ANKRD28: variants seen among roughly 807,000 people sequenced by gnomAD.
ANKRD28 encodes ankyrin repeat domain 28.
A neutral mutation model predicts 126.5 loss-of-function variants in ANKRD28; 44 were observed. The observed-to-expected ratio is 0.35, with a 90% CI of 0.27 to 0.45. ANKRD28 has a LOEUF of 0.45. Ranked by LOEUF, ANKRD28 falls within the 20% of genes least tolerant of loss-of-function variation. ANKRD28 has a pLI of 1.00. For synonymous variants in ANKRD28, 442 were observed against 468.5 expected, an observed-to-expected ratio of 0.94 and a Z score of 0.73; for missense variants, 1,110 against 1,316.6, an observed-to-expected ratio of 0.84 and a Z score of 2.43.
chr3:15,695,164 G>A lies in ANKRD28; in HGVS notation c.1686+24C>T, dbSNP rs116037475. On this transcript the variant is annotated intron_variant, in intron 16 of 27. Transcript: ENST00000683139. The stretch of plus-strand genomic sequence containing the variant: ...AGGGAACTGACCAATACTAATTGGT[G>A]GGAGGGAATTGACTAATACTTACAA... The A allele has an allele frequency of 4.4e-4, 686 of 1,576,596 alleles. 5 individuals are homozygous for A. In the African/African-American group the frequency reaches 7.8e-3, roughly 18 times the overall value.
chr3:15,799,937 G>T (rs2060427911), upstream of ANKRD28, among the ~76,000 whole-genome samples: 2 of 152,090 alleles, frequency 1.3e-5, no homozygotes, highest in African/African-American at 4.8e-5. Flanking sequence ...CAAGAATAGT[G>T]GGGGTGTGTT....
At chr3:15,724,262 C>T in intron 7 of ANKRD28, 120 bp downstream of exon 7, 1 of 855,854 alleles carries the variant, frequency 1.2e-6, no homozygotes, top group Non-Finnish European at 1.7e-6. Context: ...TATAAATATC[C>T]AATTAAAACA....
intron 2 of ANKRD28, among the ~76,000 whole-genome samples, chr3:15,772,159 A>G (rs2059045606): frequency 6.6e-6 from 1 of 152,146 alleles, no homozygotes; most frequent in Admixed American, 6.5e-5. Context: ...TTTCACTTAA[A>G]CTAGAAAAAA....
At chr3:15,842,284 G>C (rs1304946683) in intron 1 of ANKRD28, among the ~76,000 whole-genome samples, 6 of 151,960 alleles carry the variant, frequency 3.9e-5, no homozygotes, top group Non-Finnish European at 1.5e-5. Context: ...ATTATGTTCA[G>C]TGAAATAAGC....
rs1190721382 is a variant in ANKRD28 at position 15,830,004 on chromosome 3, T to A, written c.27+29373A>T. ...ACATAAGCATTTTTCCTGTGCAGCA[T>A]ATACTCATTTTATCATACAGACACC... On this transcript the variant is annotated intron_variant, in intron 1 of 27. Transcript: ENST00000399451. The surrounding 1 kb of genome is among the most constrained non-coding windows in gnomAD (Gnocchi z 4.5). Among the ~76,000 whole-genome samples the A allele has an allele frequency of 2.6e-5, 4 of 151,508 alleles. No individual in the cohort carries two copies. The highest frequency in any genetic ancestry group is 9.7e-5 in the African/African-American group (4 of 41,218).
intron 2 of ANKRD28, among the ~76,000 whole-genome samples, chr3:15,769,485 G>A (rs968068340): frequency 6.6e-6 from 1 of 152,130 alleles, no homozygotes; most frequent in African/African-American, 2.4e-5. Context: ...AAATGATTAA[G>A]TATATTTATT....
At chr3:15,688,491 C>A (rs2068410221) in intron 18 of ANKRD28, among the ~76,000 whole-genome samples, 1 of 152,176 alleles carries the variant, frequency 6.6e-6, no homozygotes, top group Non-Finnish European at 1.5e-5. Flanking sequence ...ATTTTAACCT[C>A]TTGTTCAAAC....
intron 2 of ANKRD28, among the ~76,000 whole-genome samples, chr3:15,778,515 G>C (rs2059398865): frequency 6.6e-6 from 1 of 152,136 alleles, no homozygotes; most frequent in Admixed American, 6.5e-5. Flanking sequence ...GTCAGCCAGA[G>C]GTCACCCTCC....
At position 15,830,392 on chromosome 3, in the gene ANKRD28, C is replaced by T. The variant is rs117210753; in HGVS notation, c.27+28985G>A. Among the ~76,000 whole-genome samples the T allele has an allele frequency of 1.7e-3, 252 of 152,140 alleles. 7 individuals carry two copies. The East Asian group carries it at 0.033, about 20-fold the overall frequency. Reference sequence around the variant, plus strand: ...TGGATAGCAGGAGGTGAGCAGCGGGCAAGCAAGCATTACCACCTCAACTCT... The same window carrying T: ...TGGATAGCAGGAGGTGAGCAGCGGGTAAGCAAGCATTACCACCTCAACTCT... On this transcript the variant is annotated intron_variant, in intron 1 of 27. Coordinates refer to the ANKRD28 transcript ENST00000399451. This position sits in a 1 kb window ranked among gnomAD's most constrained non-coding sequence, Gnocchi z 4.5.
At chr3:15,773,499 C>G (rs1049647877) in intron 2 of ANKRD28, among the ~76,000 whole-genome samples, 1 of 152,116 alleles carries the variant, frequency 6.6e-6, no homozygotes, top group African/African-American at 2.4e-5. Context: ...GTGGTGTGCG[C>G]CTGTAATCCC....
chr3:15,831,941 T>C (rs544863111), intron 1 of ANKRD28, among the ~76,000 whole-genome samples: 2 of 152,326 alleles, frequency 1.3e-5, no homozygotes, highest in Admixed American at 6.5e-5. Flanking sequence ...CTTGGGAGTA[T>C]ACATCAAAAT....
At position 15,683,332 on chromosome 3, in the gene ANKRD28, G is replaced by A. The variant is rs958383813; in HGVS notation, c.2389+1894C>T. Among the ~76,000 whole-genome samples the A allele has an allele frequency of 5.9e-5, 9 of 152,198 alleles. No individual in the cohort carries two copies. In the East Asian group the frequency reaches 1.7e-3, roughly 29 times the overall value. On this transcript the variant is annotated intron_variant, in intron 21 of 27. Transcript: ENST00000683139. ...TGGGTTTTCCTTATACTTGTAAAAT[G>A]TCAAGTCACATTACAGAAACAAATC...
At chr3:15,848,306 T>C (rs1559596454) in intron 1 of ANKRD28, among the ~76,000 whole-genome samples, 1 of 152,132 alleles carries the variant, frequency 6.6e-6, no homozygotes, top group Non-Finnish European at 1.5e-5. Flanking sequence ...AACCAGGGGA[T>C]TTTTCTTTCC....
rs762715934 is a variant in ANKRD28 at position 15,766,292 on chromosome 3, T to A, written c.222A>T (p.Pro74=). Residue 74 remains proline, a synonymous_variant, in exon 3 of 28, where the codon CCA becomes CCT. Transcript: ENST00000683139. The part of the protein sequence containing the change: ...VNFQDNEKRT[P]LHAAAYLGDA... ...CTCCAAGGTAAGCTGCGGCGTGCAA[T>A]GGGGTTCGCTTTTCATTGTCCTGTG... 14 of 1,611,062 alleles carry A rather than the reference T, an allele frequency of 8.7e-6. No homozygotes were observed. Among genetic ancestry groups the A allele is most frequent in the Middle Eastern group, 1.6e-4 (1 of 6,076 alleles).
At chr3:15,842,711 CTACTGTGTACCCACAAAAGCT>C (rs2061449285) in intron 1 of ANKRD28, among the ~76,000 whole-genome samples, 1 of 152,086 alleles carries the variant, frequency 6.6e-6, no homozygotes, top group Admixed American at 6.5e-5. Context: ...ATATATACAC[CTACTGTGTACCCACAAAAGCT>C]AAAAACAAAA....
chr3:15,695,048 G>C, intron 16 of ANKRD28, 140 bp downstream of exon 16: 1 of 781,536 alleles, frequency 1.3e-6, no homozygotes, highest in Non-Finnish European at 2.1e-6. Context: ...CCTTTCCTCT[G>C]TACACATGAT....
chr3:15,697,520 T>G (rs76339484), intron 14 of ANKRD28: 6 of 152,240 alleles, frequency 3.9e-5, no homozygotes, highest in Admixed American at 3.3e-4. Flanking sequence ...GTTTTTTTTT[T>G]GCCATTGGTT....
At chr3:15,731,877 G>GAAAA in intron 6 of ANKRD28, 1 of 94,374 alleles carries the variant, frequency 1.1e-5, no homozygotes, top group Non-Finnish European at 2.0e-5. Context: ...AAAAAAAAGG[G>GAAAA]GGGGGGGGTG....
chr3:15,692,327 T>TAGTC (rs1325196693), intron 17 of ANKRD28, among the ~76,000 whole-genome samples: 1 of 152,036 alleles, frequency 6.6e-6, no homozygotes. Context: ...TGTGCACCTA[T>TAGTC]AGTCCTAGCT....
Sources: gnomAD v4.1 joint callset for allele counts (sites outside exome capture counted in the v4.1 genomes callset) on GRCh38, gnomAD v4.1.1 for gene constraint, Gnocchi (gnomAD v3.1) non-coding constraint, MANE v1.5 for transcripts, NCBI Gene and HGNC (gene_info 2026-07-23, HGNC 2026-07-21) for gene names.